CNNM3: variants seen among roughly 807,000 people sequenced by gnomAD.
CNNM3 encodes the protein cyclin and CBS domain divalent metal cation transport mediator 3.
Under a neutral mutation model 57.1 loss-of-function variants are expected in CNNM3, and 47 were observed. The observed-to-expected ratio is 0.82, with a 90% CI of 0.65 to 1.05. The LOEUF (loss-of-function observed/expected upper bound fraction) is 1.05. Among genes scored for constraint, CNNM3 ranks in the 50% least tolerant of loss-of-function variants. The probability of loss-of-function intolerance (pLI) is 0.00; values close to 1 mark genes in which losing one functional copy is unlikely to be tolerated. For missense variants in CNNM3, 957 were observed against 973.7 expected, an observed-to-expected ratio of 0.98 and a Z score of 0.23; for synonymous variants, 507 against 478.2, an observed-to-expected ratio of 1.06 and a Z score of -0.79.
chr2:96,832,916 C>T lies in CNNM3; in HGVS notation c.*300C>T, dbSNP rs1311015711. 1.5e-5 allele frequency: 21 copies of T among 1,439,758 alleles called. No individual in the cohort carries two copies. Among genetic ancestry groups the T allele is most frequent in the Non-Finnish European group, 1.9e-5 (21 of 1,085,794 alleles). 89.2% of individuals were successfully genotyped at this position (1,439,758 alleles called of 1,614,324 possible). The stretch of plus-strand genomic sequence containing the variant: ...TCCCAGGGCCCAGCCTTCCCCTTCT[C>T]CCCCGGGGCAGGGACAGTGCGGCAT... On this transcript the variant is annotated 3_prime_UTR_variant, in exon 8 of 8. Transcript: ENST00000305510.
chr2:96,822,922 T>A (rs1463671270), intron 1 of CNNM3, among the ~76,000 whole-genome samples: 2 of 152,174 alleles, frequency 1.3e-5, no homozygotes, highest in African/African-American at 4.8e-5. Flanking sequence ...GCTTTCTGCT[T>A]GACGTTGGCA....
At chr2:96,828,732 T>G in intron 6 of CNNM3, 32 bp downstream of exon 6, 1 of 1,612,848 alleles carries the variant, frequency 6.2e-7, no homozygotes, top group Non-Finnish European at 8.5e-7. Flanking sequence ...GGGTGCTGGC[T>G]TTAGCCGACT....
intron 3 of CNNM3, 31 bp downstream of exon 3, chr2:96,827,013 C>CTCTCCTCACCGT: frequency 6.2e-7 from 1 of 1,607,212 alleles, no homozygotes; most frequent in Non-Finnish European, 8.5e-7. Context: ...ATGCCCCCTG[C>CTCTCCTCACCGT]TCTCCTCACC....
chr2:96,832,256 T>A, intron 7 of CNNM3: 1 of 985,322 alleles, frequency 1.0e-6, no homozygotes, highest in Non-Finnish European at 1.2e-6. Flanking sequence ...AAATGGTGCT[T>A]CCTTCCAGCA....
chr2:96,828,091 C>T lies in CNNM3; in HGVS notation c.1690-8C>T, dbSNP rs1359910482. ...CGCATCTGTTTCTCTCCTTGCCACT[C>T]CTCCCAGGGCAGGGTTGAAGTGGAG... On this transcript the variant is annotated splice_polypyrimidine_tract_variant and splice_region_variant and intron_variant, in intron 4 of 7. Coordinates refer to ENST00000305510, the MANE Select transcript of CNNM3 (RefSeq NM_017623.5). 1 of 1,612,450 alleles carries T rather than the reference C, an allele frequency of 6.2e-7. No individual in the cohort carries two copies. Among genetic ancestry groups the T allele is most frequent in the African/African-American group, 1.3e-5 (1 of 74,814 alleles).
chr2:96,817,531 G>T, intron 1 of CNNM3, 29 bp downstream of exon 1: 1 of 1,576,244 alleles, frequency 6.3e-7, no homozygotes, highest in Non-Finnish European at 8.7e-7. Flanking sequence ...TGCAGGGGAC[G>T]CCCGTGCGAG....
chr2:96,831,417 G>A (rs992309586), intron 7 of CNNM3, among the ~76,000 whole-genome samples: 3 of 152,152 alleles, frequency 2.0e-5, no homozygotes, highest in Non-Finnish European at 4.4e-5. Flanking sequence ...GCAGAGAAGT[G>A]CCTTTTTTGA....
At chr2:96,818,703 C>G (rs936124922) in intron 1 of CNNM3, among the ~76,000 whole-genome samples, 2 of 152,208 alleles carry the variant, frequency 1.3e-5, no homozygotes, top group African/African-American at 4.8e-5. Context: ...GCAGTCCTCT[C>G]CAACATCATC....
At chr2:96,831,806 G>A (rs1469715576) in intron 7 of CNNM3, among the ~76,000 whole-genome samples, 1 of 152,188 alleles carries the variant, frequency 6.6e-6, no homozygotes, top group Non-Finnish European at 1.5e-5. Context: ...ATCCTGAGCC[G>A]CAGGCTGTGG....
At chr2:96,822,002 A>ATTTT (rs1333073832) in intron 1 of CNNM3, among the ~76,000 whole-genome samples, 54 of 149,294 alleles carry the variant, frequency 3.6e-4, no homozygotes, top group African/African-American at 1.3e-3. Flanking sequence ...TATTATTATT[A>ATTTT]TTATTTTTTT....
chr2:96,825,299 A>G (rs1379797820), intron 2 of CNNM3, 98 bp downstream of exon 2: 10 of 1,421,988 alleles, frequency 7.0e-6, no homozygotes, highest in Non-Finnish European at 9.5e-6. Context: ...TGCTGCTGGA[A>G]CCCAGCAAGA....
Position 96,816,292 on chromosome 2 carries a change from A to G in CNNM3, c.15A>G (p.Val5=), listed in dbSNP as rs2153352839. MAAA[V]AAAGRLGWLF... is the part of the protein sequence containing the mutation. ...GGCAGCAGGCGATGGCGGCGGCGGT[A>G]GCTGCGGCGGGTCGGTTAGGCTGGT... Residue 5 remains valine (V), a synonymous_variant, in exon 1 of 8, where the codon GTA becomes GTG. Transcript: ENST00000305510. 10 of 1,301,624 alleles carry G rather than the reference A, an allele frequency of 7.7e-6. No homozygotes were observed. Among genetic ancestry groups the G allele is most frequent in the Non-Finnish European group, 9.7e-6 (10 of 1,026,928 alleles). 80.6% of individuals were successfully genotyped at this position (1,301,624 alleles called of 1,614,324 possible).
At chr2:96,818,700 TCTCCAACATCATCCTTAG>T (rs1270658025) in intron 1 of CNNM3, among the ~76,000 whole-genome samples, 4 of 152,214 alleles carry the variant, frequency 2.6e-5, no homozygotes, top group Non-Finnish European at 5.9e-5. Flanking sequence ...TCTGCAGTCC[TCTCCAACATCATCCTTAG>T]TGGTGCTCCC....
At chr2:96,821,701 A>C (rs1290340290) in intron 1 of CNNM3, among the ~76,000 whole-genome samples, 1 of 152,252 alleles carries the variant, frequency 6.6e-6, no homozygotes. Context: ...TGTTTGATAC[A>C]TCTAACCTAC....
chr2:96,830,702 C>CT (rs970624358), intron 7 of CNNM3, among the ~76,000 whole-genome samples: 4 of 152,024 alleles, frequency 2.6e-5, no homozygotes, highest in Non-Finnish European at 5.9e-5. Flanking sequence ...TGGTGCTGCA[C>CT]TTTTTTTTAA....
chr2:96,819,393 G>A (rs1350220045), intron 1 of CNNM3, among the ~76,000 whole-genome samples: 1 of 152,264 alleles, frequency 6.6e-6, no homozygotes, highest in African/African-American at 2.4e-5. Flanking sequence ...TCTGCTGTTA[G>A]TGATAAGAGT....
At chr2:96,836,797 A>G (rs950083493), downstream of CNNM3, 2 of 152,104 alleles carry the variant, frequency 1.3e-5, no homozygotes, top group East Asian at 1.9e-4. Flanking sequence ...TTTAAGAACA[A>G]CTCTACCTAG....
intron 7 of CNNM3, chr2:96,832,298 C>G (rs1038256117): frequency 1.0e-6 from 1 of 985,278 alleles, no homozygotes; most frequent in Non-Finnish European, 1.2e-6. Flanking sequence ...GAAGGTGCCT[C>G]TTGTTCAGCA....
At chr2:96,828,767 C>T in intron 6 of CNNM3, 67 bp downstream of exon 6, 1 of 1,599,502 alleles carries the variant, frequency 6.3e-7, no homozygotes, top group South Asian at 1.1e-5. Context: ...GCTAGACCAG[C>T]TGGTCTGAGA....
Sources: allele counts gnomAD v4.1 joint callset (sites outside exome capture counted in the v4.1 genomes callset), GRCh38; gene constraint gnomAD v4.1.1; transcripts MANE v1.5; gene names NCBI Gene and HGNC (gene_info 2026-07-23, HGNC 2026-07-21).